Variants in ANK3 observed in about 807,000 individuals in gnomAD.
The protein encoded by ANK3 is ankyrin 3.
In ANK3, 57 loss-of-function variants were observed where a neutral mutation model predicts 370.9. That is an observed-to-expected ratio of 0.15 (90% CI 0.12 to 0.19). The LOEUF (loss-of-function observed/expected upper bound fraction) is 0.19. Ranked by LOEUF, ANK3 falls within the 10% of genes least tolerant of loss-of-function variation. The pLI is 1.00. For synonymous variants in ANK3, 1,929 were observed against 1,946.3 expected (o/e 0.99, Z 0.23); for missense variants, 4,439 against 5,302.1 (o/e 0.84, Z 5.06).
intron 2 of ANK3, among the ~76,000 whole-genome samples, chr10:60,511,945 G>A (rs1186204105): frequency 3.8e-4 from 58 of 152,038 alleles, no homozygotes; most frequent in Non-Finnish European, 1.5e-5. Flanking sequence ...AGTCAAGATT[G>A]AAATAGCTAT....
intron 7 of ANK3, among the ~76,000 whole-genome samples, chr10:60,239,055 A>G (rs1378280753): frequency 1.3e-5 from 2 of 152,172 alleles, no homozygotes; most frequent in African/African-American, 4.8e-5. Context: ...GGCAGGATCC[A>G]TTGAACTTAC....
intron 26 of ANK3, among the ~76,000 whole-genome samples, chr10:60,109,757 T>C (rs1043447278): frequency 6.6e-6 from 1 of 152,228 alleles, no homozygotes; most frequent in Non-Finnish European, 1.5e-5. Flanking sequence ...ATTCTGTCAT[T>C]GGCCTTTTAT....
chr10:60,087,889 C>A (rs1047067799), intron 29 of ANK3, among the ~76,000 whole-genome samples: 1 of 152,110 alleles, frequency 6.6e-6, no homozygotes, highest in African/African-American at 2.4e-5. Context: ...AGACCAATAA[C>A]CTATGATTTA....
At chr10:60,090,283 C>T (rs1480560231) in intron 28 of ANK3, among the ~76,000 whole-genome samples, 1 of 151,978 alleles carries the variant, frequency 6.6e-6, no homozygotes, top group Non-Finnish European at 1.5e-5. Context: ...ACGCCACTCA[C>T]TCCATCCTGG....
chr10:60,721,219 A>G (rs1006968036), intron 1 of ANK3, among the ~76,000 whole-genome samples: 2 of 152,232 alleles, frequency 1.3e-5, no homozygotes, highest in Non-Finnish European at 2.9e-5. Context: ...CACCATCTGC[A>G]GAAGACCATG....
chr10:60,317,830 C>T lies in ANK3; in HGVS notation c.115-38191G>A, dbSNP rs2047779269. Among the ~76,000 whole-genome samples the T allele has an allele frequency of 3.3e-5, 5 of 151,618 alleles. No homozygotes were observed. In the South Asian group the frequency reaches 1.0e-3, roughly 32 times the overall value. ...GCGGGTTCATGCTATTCTCCTGCCT[C>T]AGCCTCCCGAGTAGCTGGGAATACA... is the stretch of plus-strand genomic sequence containing the variant. On this transcript the variant is annotated intron_variant, in intron 1 of 43. Transcript: ENST00000280772.
chr10:60,504,891 A>G (rs1011246895), intron 2 of ANK3, among the ~76,000 whole-genome samples: 3 of 152,182 alleles, frequency 2.0e-5, no homozygotes, highest in African/African-American at 4.8e-5. Flanking sequence ...TTGAGATTCA[A>G]ACTAGCTACA....
intron 7 of ANK3, among the ~76,000 whole-genome samples, chr10:60,236,515 A>T (rs1022495279): frequency 2.0e-5 from 3 of 151,648 alleles, no homozygotes; most frequent in Non-Finnish European, 2.9e-5. Flanking sequence ...TATTGTGTAG[A>T]CTCTTCCACA....
intron 1 of ANK3, among the ~76,000 whole-genome samples, chr10:60,289,599 A>C (rs996386204): frequency 2.9e-4 from 43 of 150,506 alleles, no homozygotes; most frequent in African/African-American, 9.8e-4. Flanking sequence ...GGGTTTCAGC[A>C]TGTTGCCCAG....
chr10:60,301,379 C>CAT (rs1555261758), intron 1 of ANK3, among the ~76,000 whole-genome samples: 4 of 148,916 alleles, frequency 2.7e-5, no homozygotes, highest in Non-Finnish European at 4.5e-5. Flanking sequence ...CACACACACA[C>CAT]ACATACATAC....
At chr10:60,450,126 A>G (rs1301577683) in intron 2 of ANK3, among the ~76,000 whole-genome samples, 1 of 152,064 alleles carries the variant, frequency 6.6e-6, no homozygotes, top group Non-Finnish European at 1.5e-5. Flanking sequence ...GTGAGACCCC[A>G]TATCTACAAA....
At chr10:60,161,511 T>A (rs1025488859) in intron 23 of ANK3, among the ~76,000 whole-genome samples, 1 of 152,084 alleles carries the variant, frequency 6.6e-6, no homozygotes, top group East Asian at 1.9e-4. Context: ...GATGAATGGA[T>A]AAAGAAAATA....
At chr10:60,445,607 C>T (rs2064424076) in intron 2 of ANK3, among the ~76,000 whole-genome samples, 1 of 151,422 alleles carries the variant, frequency 6.6e-6, no homozygotes, top group African/African-American at 2.4e-5. Context: ...TTGTACAAGT[C>T]TCTCTATCAA....
rs527712352 is a variant in ANK3, at chr10:60,196,156, C to T, written c.1876G>A (p.Ala626Thr). ...LLLDQGASPH[A>T]AAKNGYTPLH... ...GGAATTATAGGTACCTTTGCGGCTG[C>T]GTGAGGTGAGGCTCCTTGGTCCAAA... Residue 626 changes from alanine (A) to threonine (T), a missense_variant, in exon 16 of 44, where the codon GCA (alanine) becomes ACA (threonine). Around this residue, in one of 13 missense-constraint regions of ANK3, gnomAD observed 192 missense variants for 192.1 expected, o/e 1.00. Coordinates refer to ENST00000280772, the MANE Select transcript of ANK3 (RefSeq NM_020987.5). 1.7e-5 allele frequency: 27 copies of T among 1,613,760 alleles called. No homozygotes were observed. Among genetic ancestry groups the T allele is most frequent in the African/African-American group, 1.2e-4 (9 of 75,002 alleles).
chr10:60,060,248 T>C (rs1164047948), intron 40 of ANK3: 1 of 322,250 alleles, frequency 3.1e-6, no homozygotes, highest in African/African-American at 2.1e-5. Flanking sequence ...GAAATTATGA[T>C]ACAATAAGTA....
At chr10:60,723,761 C>A (rs1337971249) in intron 1 of ANK3, among the ~76,000 whole-genome samples, 1 of 152,028 alleles carries the variant, frequency 6.6e-6, no homozygotes, top group Middle Eastern at 3.2e-3. Context: ...TAATTATAGC[C>A]ATTTTCTATA....
At position 60,681,633 on chromosome 10, in the gene ANK3, TG is replaced by T. The variant is rs752628898; in HGVS notation, c.57+51629del. Among the ~76,000 whole-genome samples, 7 of 152,298 alleles carry T rather than the reference TG, an allele frequency of 4.6e-5. No homozygotes were observed. In the South Asian group the frequency reaches 1.5e-3, roughly 32 times the overall value. ...TAGTATCCTATGTGGCTGCATTCAT[TG>T]CTTACACCACCATAGTATAGGTATC... is the stretch of plus-strand genomic sequence containing the variant. On this transcript the variant is annotated intron_variant, in intron 1 of 43. Coordinates refer to the ANK3 transcript ENST00000373827.
intron 1 of ANK3, among the ~76,000 whole-genome samples, chr10:60,668,767 G>A (rs2079030115): frequency 1.3e-5 from 2 of 152,140 alleles, no homozygotes; most frequent in South Asian, 4.1e-4. Context: ...GCTGAGGCGG[G>A]TGGATCACAA....
In ANK3 at chr10:60,213,628, T is replaced by C. The variant is rs2096890485; in HGVS notation, c.898-118A>G. On this transcript the variant is annotated intron_variant, in intron 8 of 43. Transcript: ENST00000280772. Reference sequence around the variant, plus strand: ...GCTGTGGTCAAGCGGGCTTCAAACATTTGCTCATTTATTTCATAAAATAAT... The same window carrying C: ...GCTGTGGTCAAGCGGGCTTCAAACACTTGCTCATTTATTTCATAAAATAAT... 3 of 492,942 alleles carry C rather than the reference T, an allele frequency of 6.1e-6. No individual in the cohort carries two copies. The East Asian group carries it at 1.0e-4, about 17-fold the overall frequency. 30.5% of individuals were successfully genotyped at this position (492,942 alleles called of 1,614,324 possible). A position where few individuals can be genotyped will look rare whatever the true frequency, so the allele number is the denominator to read the frequency against.
Sources: gnomAD v4.1 joint callset for allele counts (sites outside exome capture counted in the v4.1 genomes callset) on GRCh38, gnomAD v4.1.1 for gene constraint, gnomAD v4.1.1 regional missense constraint, MANE v1.5 for transcripts, NCBI Gene and HGNC (gene_info 2026-07-23, HGNC 2026-07-21) for gene names.